Variants in MIDEAS observed in about 807,000 individuals in gnomAD.
The protein encoded by MIDEAS is mitotic deacetylase-associated SANT domain protein.
In MIDEAS, 26 loss-of-function variants were observed where a neutral mutation model predicts 102.7. The ratio of observed to expected loss-of-function variants is 0.25; its 90% CI spans 0.19 to 0.35. The LOEUF (loss-of-function observed/expected upper bound fraction) is 0.35. Ranked by LOEUF, MIDEAS falls within the 10% of genes least tolerant of loss-of-function variation. The pLI, the probability that MIDEAS is intolerant of heterozygous loss-of-function variation, is 1.00. For missense variants in MIDEAS, 1,231 were observed against 1,435.6 expected, an observed-to-expected ratio of 0.86 and a Z score of 2.30; for synonymous variants, 585 against 591.0, an observed-to-expected ratio of 0.99 and a Z score of 0.15.
At position 73,782,615 on chromosome 14, in the gene MIDEAS, C is replaced by A. The variant is rs546143139; in HGVS notation, c.-248+4487G>T. Among the ~76,000 whole-genome samples, 25 of 152,322 alleles carry A rather than the reference C, an allele frequency of 1.6e-4. No individual in the cohort carries two copies. In the South Asian group the frequency reaches 4.8e-3, roughly 29 times the overall value. The stretch of plus-strand genomic sequence containing the variant: ...AAAGTGCTGGGATTATTGGCATAAG[C>A]CACCGCACCTGGCTGTCTTCACAAG... On this transcript the variant is annotated intron_variant, in intron 1 of 11. Transcript: ENST00000394071.
intron 2 of MIDEAS, 35 bp from the exon 3 acceptor site, chr14:73,737,332 G>A (rs1248982226): frequency 1.9e-6 from 3 of 1,588,336 alleles, no homozygotes; most frequent in African/African-American, 1.3e-5. Flanking sequence ...CAATTTAAAA[G>A]GTAAGTCATA....
chr14:73,721,209 C>A, intron 11 of MIDEAS, 88 bp downstream of exon 11: 1 of 1,237,600 alleles, frequency 8.1e-7, no homozygotes, highest in Non-Finnish European at 1.2e-6. Context: ...TAATGAGGAT[C>A]ACAGTCCTGC....
intron 1 of MIDEAS, among the ~76,000 whole-genome samples, chr14:73,755,345 C>T (rs1157670826): frequency 2.0e-5 from 3 of 152,190 alleles, no homozygotes; most frequent in African/African-American, 7.2e-5. Flanking sequence ...AACTCCGGCT[C>T]TCCTCTGACA....
chr14:73,756,295 T>TGTGTGTGCGCGCGCGC (rs55692592), intron 1 of MIDEAS, among the ~76,000 whole-genome samples: 2 of 127,626 alleles, frequency 1.6e-5, no homozygotes, highest in Admixed American at 7.6e-5. Context: ...TGTGTGTGTG[T>TGTGTGTGCGCGCGCGC]GCGCGCGCGC....
Position 73,739,936 on chromosome 14 carries a change from G to A in MIDEAS, c.73C>T (p.Pro25Ser), listed in dbSNP as rs773343786. 2 of 1,520,650 alleles carry A rather than the reference G, an allele frequency of 1.3e-6. No homozygotes were observed. 94.2% of individuals were successfully genotyped at this position (1,520,650 alleles called of 1,614,324 possible). A position where few individuals can be genotyped will look rare whatever the true frequency, so the allele number is the denominator to read the frequency against. Reference sequence around the variant, plus strand: ...TGCAGGGGAGGGGGCTGCTCCTTGGGAGCTGGTTCCTGGCCCCCGAAGAGG... The same window carrying A: ...TGCAGGGGAGGGGGCTGCTCCTTGGAAGCTGGTTCCTGGCCCCCGAAGAGG... ...RCLFGGQEPAPKEQPPPLQPP... is the reference protein window; with the variant it reads ...RCLFGGQEPASKEQPPPLQPP... The change falls in exon 2 of 13, where the codon CCC becomes TCC. Residue 25 changes from proline to serine, a missense_variant. Around this residue, in one of 5 missense-constraint regions of MIDEAS, gnomAD observed 758 missense variants for 856.0 expected, o/e 0.89. Transcript: ENST00000423556.
chr14:73,786,578 GA>G (rs1383046120), intron 1 of MIDEAS, among the ~76,000 whole-genome samples: 2 of 152,194 alleles, frequency 1.3e-5, no homozygotes, highest in African/African-American at 4.8e-5. Flanking sequence ...TTGGTTTTCT[GA>G]AAATGCGTAG....
intron 3 of MIDEAS, chr14:73,730,219 G>A (rs778467788): frequency 2.9e-6 from 2 of 699,750 alleles, no homozygotes; most frequent in East Asian, 2.7e-5. Flanking sequence ...GGCTTTGTGG[G>A]CCACATGTGA....
upstream of MIDEAS, among the ~76,000 whole-genome samples, chr14:73,763,445 C>A (rs550089191): frequency 1.3e-5 from 2 of 152,284 alleles, no homozygotes; most frequent in East Asian, 1.9e-4. Flanking sequence ...AGGTTCTCAC[C>A]TCCCAGCCAC....
rs374433744 is a variant in MIDEAS, at chr14:73,779,574, T to A, written c.-248+7528A>T. On this transcript the variant is annotated intron_variant, in intron 1 of 11. Coordinates refer to the MIDEAS transcript ENST00000394071. ...AATTTGTTTATTATTATTATTATTATTTTTTTTTTTTTTTGAGACGGAGTC... is the reference window on the plus strand; with the variant it reads ...AATTTGTTTATTATTATTATTATTAATTTTTTTTTTTTTTGAGACGGAGTC... Among the ~76,000 whole-genome samples, 7 of 107,206 alleles carry A rather than the reference T, an allele frequency of 6.5e-5. 1 individual carries two copies. Among genetic ancestry groups the A allele is most frequent in the East Asian group, 5.1e-4 (2 of 3,956 alleles). The allele number at this position is 107,206 out of a possible 152,430, so 70.3% of individuals were successfully genotyped here. A position where few individuals can be genotyped will look rare whatever the true frequency, so the allele number is the denominator to read the frequency against.
Position 73,719,341 on chromosome 14 carries a change from T to G in MIDEAS, c.3098A>C (p.Asn1033Thr), listed in dbSNP as rs781519651. ...KKTETFSKTQ[N>T]QENTFPCKKC... ...TTTACAGGGGAAAGTGTTCTCCTGATTCTGGGTCTTACTGAATGTCTCTGT... is the reference window on the plus strand; with the variant it reads ...TTTACAGGGGAAAGTGTTCTCCTGAGTCTGGGTCTTACTGAATGTCTCTGT... The change falls in exon 12 of 13, where the codon AAT becomes ACT. Residue 1033 changes from asparagine to threonine, a missense_variant. By Grantham distance (65) the Asn-to-Thr change is moderately conservative (BLOSUM62 0). This residue lies in a region of MIDEAS where 391 missense variants were observed against 483.0 expected (regional missense o/e 0.81). Coordinates refer to ENST00000423556, the MANE Select transcript of MIDEAS (RefSeq NM_001367710.1). 6.2e-7 allele frequency: 1 copy of G among 1,613,142 alleles called. No individual in the cohort carries two copies. Among genetic ancestry groups the G allele is most frequent in the Non-Finnish European group, 8.5e-7 (1 of 1,179,510 alleles).
At chr14:73,736,215 T>C (rs944620158) in intron 3 of MIDEAS, among the ~76,000 whole-genome samples, 1 of 151,914 alleles carries the variant, frequency 6.6e-6, no homozygotes, top group African/African-American at 2.4e-5. Context: ...ATATTTAAGA[T>C]AAAAAGAAAC....
Position 73,759,340 on chromosome 14 carries a change from C to G in MIDEAS, c.-248+423G>C, listed in dbSNP as rs1185311038. 6.6e-6 allele frequency among the ~76,000 whole-genome samples: 1 copy of G among 152,058 alleles called. No individual in the cohort carries two copies. The highest frequency in any genetic ancestry group is 1.5e-5 in the Non-Finnish European group (1 of 67,964). Reference sequence around the variant, plus strand: ...GCTCCGTCACGTCAGCCGGTCCCCACGGACACCACGTTTCTCTCCAGCGGA... The same window carrying G: ...GCTCCGTCACGTCAGCCGGTCCCCAGGGACACCACGTTTCTCTCCAGCGGA... On this transcript the variant is annotated intron_variant, in intron 1 of 12. Coordinates refer to ENST00000423556, the MANE Select transcript of MIDEAS (RefSeq NM_001367710.1). This position sits in a 1 kb window ranked among gnomAD's most constrained non-coding sequence, Gnocchi z 6.7.
chr14:73,736,743 T>G (rs554188523), intron 3 of MIDEAS, among the ~76,000 whole-genome samples: 2 of 151,960 alleles, frequency 1.3e-5, no homozygotes, highest in Non-Finnish European at 2.9e-5. Context: ...GAAAAAGAGA[T>G]GTACACAACC....
intron 1 of MIDEAS, among the ~76,000 whole-genome samples, chr14:73,743,134 A>G (rs1475722869): frequency 6.6e-6 from 1 of 152,052 alleles, no homozygotes; most frequent in Admixed American, 6.6e-5. Flanking sequence ...TCCCCAAGAT[A>G]TGCCACTAAG....
chr14:73,719,068 G>T, intron 12 of MIDEAS, 60 bp from the exon 13 acceptor site: 1 of 1,446,696 alleles, frequency 6.9e-7, no homozygotes, highest in East Asian at 2.5e-5. Context: ...CCCCAGCGCG[G>T]GTGCGCGAGG....
chr14:73,766,556 C>CTTTTT (rs898994629), intron 1 of MIDEAS, among the ~76,000 whole-genome samples: 1 of 146,604 alleles, frequency 6.8e-6, no homozygotes, highest in Non-Finnish European at 1.5e-5. Context: ...CTTTTCTTTT[C>CTTTTT]TTTTTTTTTT....
At position 73,716,700 on chromosome 14, in the gene MIDEAS, A is replaced by G; in HGVS notation, c.*2143T>C. On this transcript the variant is annotated 3_prime_UTR_variant, in exon 13 of 13. Coordinates refer to ENST00000423556, the MANE Select transcript of MIDEAS (RefSeq NM_001367710.1). Reference sequence around the variant, plus strand: ...TCTGTCTCAAAAAAAAAAAAAAAAAAAAAAAAAAATTTTTTTTCCAAGTAC... The same window carrying G: ...TCTGTCTCAAAAAAAAAAAAAAAAAGAAAAAAAAATTTTTTTTCCAAGTAC... The G allele has an allele frequency of 7.0e-6, 1 of 143,462 alleles. No homozygotes were observed. Among genetic ancestry groups the G allele is most frequent in the African/African-American group, 2.5e-5 (1 of 40,472 alleles). 8.9% of individuals were successfully genotyped at this position (143,462 alleles called of 1,614,324 possible).
At chr14:73,775,790 G>A (rs1173076283) in intron 1 of MIDEAS, among the ~76,000 whole-genome samples, 1 of 152,046 alleles carries the variant, frequency 6.6e-6, no homozygotes, top group Non-Finnish European at 1.5e-5. Context: ...AAGATCTGAG[G>A]GCAAGACGGG....
chr14:73,732,771 G>C (rs2053154935), intron 3 of MIDEAS, among the ~76,000 whole-genome samples: 2 of 120,792 alleles, frequency 1.7e-5, no homozygotes, highest in South Asian at 6.0e-4. Flanking sequence ...GGGTGACACA[G>C]TGAGACTCCC....
Sources: allele counts gnomAD v4.1 joint callset (sites outside exome capture counted in the v4.1 genomes callset), GRCh38; gene constraint gnomAD v4.1.1; regional missense constraint gnomAD v4.1.1; non-coding constraint Gnocchi (gnomAD v3.1); transcripts MANE v1.5; gene names NCBI Gene and HGNC (gene_info 2026-07-23, HGNC 2026-07-21).